Variants in ESRRB observed in about 807,000 individuals in gnomAD.
ESRRB encodes the protein estrogen related receptor beta, also known as steroid hormone receptor ERR2.
Under a neutral mutation model 46.0 loss-of-function variants are expected in ESRRB, and 16 were observed. The ratio of observed to expected loss-of-function variants is 0.35; its 90% CI spans 0.24 to 0.53. The LOEUF (loss-of-function observed/expected upper bound fraction) is 0.53, where lower values mean the gene tolerates loss of function less well. Ranked by LOEUF, ESRRB falls within the 20% of genes least tolerant of loss-of-function variation. The probability of loss-of-function intolerance (pLI) is 0.93; values close to 1 mark genes in which losing one functional copy is unlikely to be tolerated. For missense variants in ESRRB, 488 were observed against 607.4 expected (o/e 0.80, Z 2.07); for synonymous variants, 246 against 259.6 (o/e 0.95, Z 0.50).
At chr14:76,376,047 TTTAA>T (rs1427508780), upstream of ESRRB, 1 of 122,856 alleles carries the variant, frequency 8.1e-6, no homozygotes, top group African/African-American at 3.0e-5. The surrounding 1 kb of genome is among the most constrained non-coding windows in gnomAD (Gnocchi z 4.1). Context: ...ATTCTGTCAC[TTTAA>T]GTCCAGCCCC....
intron 2 of ESRRB, among the ~76,000 whole-genome samples, chr14:76,460,653 C>T (rs1469015404): frequency 6.6e-6 from 1 of 151,966 alleles, no homozygotes; most frequent in African/African-American, 2.4e-5. Context: ...GTCGAAGAGA[C>T]ACAATACCAA....
rs143477571 is a variant in ESRRB at position 76,439,369 on chromosome 14, A to G, written c.79A>G (p.Arg27Gly). 1.3e-3 allele frequency: 2,156 copies of G among 1,613,686 alleles called. 44 individuals carry two copies. The East Asian group carries it at 0.042, about 31-fold the overall frequency. The change falls in exon 2 of 7, where the codon AGG becomes GGG. Residue 27 changes from arginine to glycine, a missense_variant. By Grantham distance (125) the Arg-to-Gly change is moderately radical (BLOSUM62 -2). Transcript: ENST00000644823. ...QLLNRMSSDD[R>G]HLGSSCGSFI... ...GCTGAACAGGATGTCCTCGGACGAC[A>G]GGCACCTGGGCTCCAGCTGCGGCTC...
chr14:76,331,970 G>C (rs1333669460), intron 1 of ESRRB, among the ~76,000 whole-genome samples: 1 of 151,946 alleles, frequency 6.6e-6, no homozygotes, highest in Non-Finnish European at 1.5e-5. Context: ...TTTGGTGTTA[G>C]CTCTCATCCT....
intron 2 of ESRRB, among the ~76,000 whole-genome samples, chr14:76,440,652 T>TTTTC (rs1383264668): frequency 2.0e-5 from 3 of 151,494 alleles, no homozygotes; most frequent in Non-Finnish European, 4.4e-5. Flanking sequence ...AAGACCTGTA[T>TTTTC]TTTCTTTCCT....
At chr14:76,395,170 T>A (rs181146417) in intron 1 of ESRRB, among the ~76,000 whole-genome samples, 126 of 152,280 alleles carry the variant, frequency 8.3e-4, no homozygotes, top group African/African-American at 2.9e-3. Context: ...AATTAAGCCA[T>A]GTGCACTATC....
At chr14:76,455,995 A>T in intron 2 of ESRRB, among the ~76,000 whole-genome samples, 1 of 150,740 alleles carries the variant, frequency 6.6e-6, no homozygotes, top group African/African-American at 2.5e-5. Flanking sequence ...GTGAGCCAAG[A>T]TCACACCACT....
chr14:76,360,348 C>T (rs778302198), intron 1 of ESRRB, among the ~76,000 whole-genome samples: 28 of 152,154 alleles, frequency 1.8e-4, no homozygotes, highest in Non-Finnish European at 3.1e-4. Context: ...CTTGGGTCTC[C>T]GGAGCAGAGC....
At chr14:76,337,472 C>G (rs1044796249) in intron 1 of ESRRB, among the ~76,000 whole-genome samples, 2 of 152,100 alleles carry the variant, frequency 1.3e-5, no homozygotes, top group African/African-American at 4.8e-5. Context: ...ACTCATACAT[C>G]GTGACTTCCT....
At chr14:76,479,106 T>G (rs1444666528) in intron 3 of ESRRB, among the ~76,000 whole-genome samples, 1 of 152,214 alleles carries the variant, frequency 6.6e-6, no homozygotes, top group Non-Finnish European at 1.5e-5. Context: ...CCTGAGATTT[T>G]GAGGCATCTA....
chr14:76,405,195 C>T (rs1886127048), intron 1 of ESRRB, among the ~76,000 whole-genome samples: 1 of 152,026 alleles, frequency 6.6e-6, no homozygotes, highest in South Asian at 2.1e-4. Flanking sequence ...TGAAACTCCT[C>T]GGCTGAGGCA....
chr14:76,353,467 G>A (rs1035737952), intron 1 of ESRRB, among the ~76,000 whole-genome samples: 4 of 152,164 alleles, frequency 2.6e-5, no homozygotes, highest in African/African-American at 9.7e-5. Flanking sequence ...CTCTGTGTGG[G>A]TTTATTTAGG....
intron 2 of ESRRB, 86 bp downstream of exon 2, chr14:76,439,836 C>A (rs776785034): frequency 1.3e-4 from 188 of 1,441,830 alleles, no homozygotes; most frequent in Non-Finnish European, 1.7e-4. Flanking sequence ...TAGGAATTCC[C>A]AGAGACTGCC....
intron 1 of ESRRB, among the ~76,000 whole-genome samples, chr14:76,341,330 A>G (rs1302821881): frequency 6.6e-6 from 1 of 152,142 alleles, no homozygotes; most frequent in African/African-American, 2.4e-5. Context: ...CTCCCCAGCC[A>G]CCACATTGTG....
At chr14:76,427,676 A>G (rs1199772929) in intron 1 of ESRRB, among the ~76,000 whole-genome samples, 2 of 152,202 alleles carry the variant, frequency 1.3e-5, no homozygotes, top group East Asian at 3.8e-4. Context: ...CCAAATAGGG[A>G]TGCTAAAAAC....
At chr14:76,431,950 G>A (rs1209407576) in intron 1 of ESRRB, among the ~76,000 whole-genome samples, 1 of 152,164 alleles carries the variant, frequency 6.6e-6, no homozygotes, top group Non-Finnish European at 1.5e-5. Context: ...GAAATCTGAA[G>A]TGCCAGTCTC....
At chr14:76,415,003 G>T (rs1469805646) in intron 1 of ESRRB, among the ~76,000 whole-genome samples, 2 of 152,206 alleles carry the variant, frequency 1.3e-5, no homozygotes, top group Non-Finnish European at 2.9e-5. Flanking sequence ...CCCCAGCCTT[G>T]GTTTGTGAGT....
chr14:76,410,531 C>T (rs553583549), intron 1 of ESRRB, among the ~76,000 whole-genome samples: 23 of 152,246 alleles, frequency 1.5e-4, no homozygotes, highest in African/African-American at 5.3e-4. Context: ...CTCCAAGAAA[C>T]CTGCAGAGGA....
intron 1 of ESRRB, among the ~76,000 whole-genome samples, chr14:76,335,715 C>T (rs1029797332): frequency 8.5e-5 from 13 of 152,200 alleles, no homozygotes; most frequent in African/African-American, 2.7e-4. Context: ...CTTCCCGCCC[C>T]TCACCATGGC....
intron 1 of ESRRB, among the ~76,000 whole-genome samples, chr14:76,313,937 G>A (rs1883768197): frequency 6.6e-6 from 1 of 151,738 alleles, no homozygotes; most frequent in South Asian, 2.1e-4. Context: ...AATTCTAATA[G>A]TGGAGCGGTG....
Sources: allele counts gnomAD v4.1 joint callset (sites outside exome capture counted in the v4.1 genomes callset), GRCh38; gene constraint gnomAD v4.1.1; non-coding constraint Gnocchi (gnomAD v3.1); transcripts MANE v1.5; gene names NCBI Gene and HGNC (gene_info 2026-07-23, HGNC 2026-07-21).